Variants in MAF observed in about 807,000 individuals in gnomAD.
The protein encoded by MAF is transcription factor Maf.
Under a neutral mutation model 22.0 loss-of-function variants are expected in MAF, and 10 were observed. The ratio of observed to expected loss-of-function variants is 0.45; its 90% CI spans 0.28 to 0.77. The LOEUF (loss-of-function observed/expected upper bound fraction) is 0.77, where lower values mean the gene tolerates loss of function less well. MAF is among the 30% of genes least tolerant of loss of function. MAF has a pLI of 0.12. For synonymous variants in MAF, 337 were observed against 255.8 expected (o/e 1.32, Z -3.03); for missense variants, 544 against 548.4 (o/e 0.99, Z 0.08).
At chr16:79,409,532 A>G in the MAF span, among the ~76,000 whole-genome samples, 1 of 152,220 alleles carries the variant, frequency 6.6e-6, no homozygotes, top group African/African-American at 2.4e-5. Flanking sequence ...GTGTCTTCAC[A>G]TAACAACTGC....
chr16:79,567,143 C>G, the MAF span, among the ~76,000 whole-genome samples: 2 of 152,180 alleles, frequency 1.3e-5, no homozygotes, highest in African/African-American at 4.8e-5. Context: ...CATGGCGAAA[C>G]CCTGTCTCTA....
At chr16:79,298,469 T>C in the MAF span, among the ~76,000 whole-genome samples, 1 of 152,156 alleles carries the variant, frequency 6.6e-6, no homozygotes, top group Non-Finnish European at 1.5e-5. Flanking sequence ...ATAACAACCA[T>C]ATATTTCCCT....
the MAF span, among the ~76,000 whole-genome samples, chr16:79,293,547 G>A: frequency 1.3e-5 from 2 of 152,164 alleles, no homozygotes; most frequent in African/African-American, 4.8e-5. Context: ...TGTCAAATGA[G>A]TGATGCTAGA....
chr16:79,288,382 G>C, the MAF span, among the ~76,000 whole-genome samples: 1 of 152,096 alleles, frequency 6.6e-6, no homozygotes, highest in South Asian at 2.1e-4. Flanking sequence ...TAAGAATCCC[G>C]AGGCTGCCAT....
chr16:79,413,419 T>TA, the MAF span, among the ~76,000 whole-genome samples: 1 of 145,112 alleles, frequency 6.9e-6, no homozygotes, highest in Admixed American at 7.0e-5. Flanking sequence ...AATTTTTTTT[T>TA]TATTTTTAGT....
At chr16:79,546,617 G>A in the MAF span, among the ~76,000 whole-genome samples, 1 of 152,306 alleles carries the variant, frequency 6.6e-6, no homozygotes, top group East Asian at 1.9e-4. Context: ...GAAGAAGGAA[G>A]AAGTTGGCTC....
the MAF span, among the ~76,000 whole-genome samples, chr16:79,457,720 C>A: frequency 6.6e-6 from 1 of 152,136 alleles, no homozygotes; most frequent in Admixed American, 6.5e-5. Flanking sequence ...ACTCTGTGCT[C>A]CTCAAATGAG....
chr16:79,380,645 A>C, the MAF span, among the ~76,000 whole-genome samples: 1 of 152,310 alleles, frequency 6.6e-6, no homozygotes, highest in East Asian at 1.9e-4. Flanking sequence ...ATAAATACTC[A>C]ATAAACCCTC....
chr16:79,206,693 G>A, the MAF span: 1 of 152,096 alleles, frequency 6.6e-6, no homozygotes, highest in African/African-American at 2.4e-5. Flanking sequence ...CCATCATTTT[G>A]GTGGAAGTTG....
chr16:79,245,829 T>A, the MAF span, among the ~76,000 whole-genome samples: 5 of 152,006 alleles, frequency 3.3e-5, no homozygotes, highest in Non-Finnish European at 7.4e-5. Context: ...AGTGATAGAC[T>A]GGATAAAGAA....
At chr16:79,399,138 T>G in the MAF span, among the ~76,000 whole-genome samples, 1 of 152,216 alleles carries the variant, frequency 6.6e-6, no homozygotes, top group Non-Finnish European at 1.5e-5. Flanking sequence ...TGGACAGACC[T>G]GCCATTGAAT....
At chr16:79,302,676 G>A in the MAF span, among the ~76,000 whole-genome samples, 1 of 152,200 alleles carries the variant, frequency 6.6e-6, no homozygotes, top group Admixed American at 6.5e-5. Context: ...AAATCCCCCT[G>A]CAGGCGCTCT....
chr16:79,585,071 A>C (rs961816227), downstream of MAF, among the ~76,000 whole-genome samples: 8 of 152,354 alleles, frequency 5.3e-5, no homozygotes, highest in Non-Finnish European at 7.3e-5. Context: ...TAATTAAAAA[A>C]ATCAAATGTA....
the MAF span, among the ~76,000 whole-genome samples, chr16:79,297,347 G>C: frequency 6.6e-6 from 1 of 152,184 alleles, no homozygotes; most frequent in Non-Finnish European, 1.5e-5. Context: ...TTGAAGAATT[G>C]ATTCAGCATT....
the MAF span, among the ~76,000 whole-genome samples, chr16:79,580,727 A>G: frequency 1.3e-4 from 19 of 151,972 alleles, no homozygotes; most frequent in South Asian, 2.1e-3. Context: ...AAACCTCCGA[A>G]CCTGCTTGGT....
chr16:79,331,607 C>G, the MAF span, among the ~76,000 whole-genome samples: 1 of 152,190 alleles, frequency 6.6e-6, no homozygotes, highest in African/African-American at 2.4e-5. Flanking sequence ...ACCTTCTACC[C>G]GCCTCCCTGT....
At chr16:79,229,874 T>C in the MAF span, among the ~76,000 whole-genome samples, 2 of 152,070 alleles carry the variant, frequency 1.3e-5, no homozygotes, top group Admixed American at 1.3e-4. Flanking sequence ...GGCTCTGAGC[T>C]TGCTTGCGGC....
chr16:79,249,493 C>G, the MAF span, among the ~76,000 whole-genome samples: 2,844 of 151,830 alleles, frequency 0.019, 25 homozygotes, highest in Middle Eastern at 0.066. Context: ...GAGAAAGATC[C>G]ATCTTTGGGG....
At chr16:79,417,877 C>G in the MAF span, among the ~76,000 whole-genome samples, 47 of 152,148 alleles carry the variant, frequency 3.1e-4, no homozygotes, top group Non-Finnish European at 5.7e-4. Context: ...CACGATAACG[C>G]ATCCGTATTT....
Sources: allele counts gnomAD v4.1 joint callset (sites outside exome capture counted in the v4.1 genomes callset), GRCh38; gene constraint gnomAD v4.1.1; transcripts MANE v1.5; gene names NCBI Gene and HGNC (gene_info 2026-07-23, HGNC 2026-07-21).